Variants in MCF2L observed in about 807,000 individuals in gnomAD.
MCF2L encodes guanine nucleotide exchange factor DBS.
MCF2L carries 97 observed loss-of-function variants against 153.4 expected under a neutral mutation model. That is an observed-to-expected ratio of 0.63 (90% CI 0.54 to 0.75). The LOEUF (loss-of-function observed/expected upper bound fraction) is 0.75, where lower values mean the gene tolerates loss of function less well. Ranked by LOEUF, MCF2L falls within the 30% of genes least tolerant of loss-of-function variation. The probability of loss-of-function intolerance (pLI) is 0.00; values close to 1 mark genes in which losing one functional copy is unlikely to be tolerated. For synonymous variants in MCF2L, 659 were observed against 632.2 expected (o/e 1.04, Z -0.64); for missense variants, 1,347 against 1,495.2 (o/e 0.90, Z 1.64).
At chr13:112,990,652 T>C (rs1361219763) in intron 1 of MCF2L, among the ~76,000 whole-genome samples, 1 of 152,214 alleles carries the variant, frequency 6.6e-6, no homozygotes. Flanking sequence ...ACCAAACTGC[T>C]TTCTGTGTGG....
At chr13:113,057,032 G>C (rs2030058137) in intron 4 of MCF2L, among the ~76,000 whole-genome samples, 2 of 145,112 alleles carry the variant, frequency 1.4e-5, no homozygotes, top group African/African-American at 5.2e-5. Flanking sequence ...AGTGGGCACT[G>C]AGTGGGCGCT....
At chr13:113,021,749 C>T (rs1274613609) in intron 2 of MCF2L, among the ~76,000 whole-genome samples, 1 of 152,208 alleles carries the variant, frequency 6.6e-6, no homozygotes, top group South Asian at 2.1e-4. Context: ...TGCCTCATAA[C>T]CTGCAGGTAC....
At position 113,089,686 on chromosome 13, in the gene MCF2L, G is replaced by C. The variant is rs72663547; in HGVS notation, c.2911G>C (p.Val971Leu). The C allele has an allele frequency of 1.7e-5, 27 of 1,613,806 alleles. No individual in the cohort carries two copies. Among genetic ancestry groups the C allele is most frequent in the Non-Finnish European group, 2.3e-5 (27 of 1,180,024 alleles). ...AGACCCCCTAAGCCTGGAGGGATAC[G>C]TCAGCTCAGCGCCACTGACAAAGCC... is the stretch of plus-strand genomic sequence containing the variant. ...KTDPLSLEGY[V>L]SSAPLTKPPE... The change falls in exon 26 of 30, where the codon GTC (valine) becomes CTC (leucine). Residue 971 changes from valine to leucine, a missense_variant. Physicochemically the swap from Val to Leu is conservative, Grantham distance 32. Around this residue, in one of 3 missense-constraint regions of MCF2L, gnomAD observed 383 missense variants for 335.4 expected, o/e 1.14. Coordinates refer to ENST00000535094, the MANE Select transcript of MCF2L (RefSeq NM_001112732.3).
chr13:112,899,318 CG>C (rs1339626577), intron 1 of MCF2L, among the ~76,000 whole-genome samples: 1 of 152,210 alleles, frequency 6.6e-6, no homozygotes, highest in African/African-American at 2.4e-5. Flanking sequence ...TCACTGCTGA[CG>C]GCTTCTCAAG....
Position 112,983,495 on chromosome 13 carries a change from G to A in MCF2L, c.79+14037G>A, listed in dbSNP as rs1374851170. On this transcript the variant is annotated intron_variant, in intron 1 of 29. Coordinates refer to ENST00000535094, the MANE Select transcript of MCF2L (RefSeq NM_001112732.3). The surrounding 1 kb of genome is among the most constrained non-coding windows in gnomAD (Gnocchi z 4.0). ...GGCTTAAGTCAAGCTCTGTAAATGCGGCACCCGACGTCTGAGGCCCGCCAC... is the reference window on the plus strand; with the variant it reads ...GGCTTAAGTCAAGCTCTGTAAATGCAGCACCCGACGTCTGAGGCCCGCCAC... Among the ~76,000 whole-genome samples the A allele has an allele frequency of 3.9e-5, 6 of 152,190 alleles. No homozygotes were observed. Among genetic ancestry groups the A allele is most frequent in the African/African-American group, 7.2e-5 (3 of 41,442 alleles).
At chr13:112,990,020 C>A (rs1171585831) in intron 1 of MCF2L, among the ~76,000 whole-genome samples, 1 of 152,232 alleles carries the variant, frequency 6.6e-6, no homozygotes, top group African/African-American at 2.4e-5. Context: ...CACTGCTGAT[C>A]TGACAGGAGG....
chr13:113,001,877 CCGGGTCGGGGGCTCCTGACT>C, intron 1 of MCF2L: 2 of 1,567,076 alleles, frequency 1.3e-6, no homozygotes, highest in Non-Finnish European at 1.7e-6. Flanking sequence ...GTTCCGGGAG[CCGGGTCGGGGGCTCCTGACT>C]CGCACTGGGC....
intron 1 of MCF2L, among the ~76,000 whole-genome samples, chr13:112,978,443 C>T (rs1034447460): frequency 4.6e-5 from 7 of 152,332 alleles, no homozygotes; most frequent in South Asian, 2.1e-4. Context: ...ACACCTGTAG[C>T]TCTCAGAGGA....
intron 2 of MCF2L, among the ~76,000 whole-genome samples, chr13:113,015,192 T>A (rs1417897172): frequency 6.6e-6 from 1 of 152,210 alleles, no homozygotes; most frequent in African/African-American, 2.4e-5. Flanking sequence ...TCCTGCTGCA[T>A]CTGGGCACCT....
chr13:112,896,521 G>T (rs1032172680), intron 1 of MCF2L, among the ~76,000 whole-genome samples: 1 of 152,176 alleles, frequency 6.6e-6, no homozygotes, highest in Admixed American at 6.5e-5. Context: ...GCCTGGGATT[G>T]GCAGAGGGCA....
At chr13:113,096,316 G>A (rs1438784767) in intron 27 of MCF2L, 55 bp from the exon 28 acceptor site, 1 of 1,365,734 alleles carries the variant, frequency 7.3e-7, no homozygotes, top group Admixed American at 2.0e-5. Context: ...CTGCTGTGGG[G>A]CTGCTGCCGG....
intron 15 of MCF2L, 32 bp downstream of exon 15, chr13:113,078,771 G>A (rs569949778): frequency 1.9e-6 from 3 of 1,566,600 alleles, no homozygotes; most frequent in Non-Finnish European, 2.6e-6. Flanking sequence ...CCTCACAGGG[G>A]CCCTCCGACC....
chr13:113,012,988 G>A (rs1157520190), intron 1 of MCF2L, among the ~76,000 whole-genome samples: 1 of 151,890 alleles, frequency 6.6e-6, no homozygotes, highest in Non-Finnish European at 1.5e-5. Flanking sequence ...TGTGGACGGT[G>A]GACACTGTGA....
rs1225146980 is a variant in MCF2L, at chr13:113,099,141, C to G, written c.*2282C>G. On this transcript the variant is annotated 3_prime_UTR_variant, in exon 30 of 30. Transcript: ENST00000535094. ...AGTATCGATGACCTGAAATGGGATT[C>G]AGGACAGTTCATAGAGTAAAGGGGG... is the stretch of plus-strand genomic sequence containing the variant. 6.6e-6 allele frequency: 1 copy of G among 152,114 alleles called. No homozygotes were observed. The highest frequency in any genetic ancestry group is 6.5e-5 in the Admixed American group (1 of 15,272). The allele number at this position is 152,114 out of a possible 1,614,324, so 9.4% of individuals were successfully genotyped here.
In MCF2L at chr13:113,053,076, T is replaced by G. The variant is rs2087474562; in HGVS notation, c.370-7517T>G. ...TTGCTGGTGAGAGCCGGCTCTGCCA[T>G]CGTGTCAGTTCATCCCGGATTGCTG... On this transcript the variant is annotated intron_variant, in intron 4 of 29. Coordinates refer to ENST00000535094, the MANE Select transcript of MCF2L (RefSeq NM_001112732.3). This position sits in a 1 kb window ranked among gnomAD's most constrained non-coding sequence, Gnocchi z 4.4. 6.6e-6 allele frequency among the ~76,000 whole-genome samples: 1 copy of G among 152,108 alleles called. No individual in the cohort carries two copies. The highest frequency in any genetic ancestry group is 6.5e-5 in the Admixed American group (1 of 15,268).
chr13:113,081,126 C>A, intron 15 of MCF2L, 87 bp from the exon 16 acceptor site: 1 of 1,139,260 alleles, frequency 8.8e-7, no homozygotes, highest in South Asian at 1.5e-5. Flanking sequence ...GGCCATCATT[C>A]TAGGTGGCAC....
At chr13:113,016,729 T>C (rs2084543431) in intron 2 of MCF2L, among the ~76,000 whole-genome samples, 1 of 152,134 alleles carries the variant, frequency 6.6e-6, no homozygotes, top group Admixed American at 6.5e-5. Flanking sequence ...GCCCTCTCCA[T>C]GCAGCGAATT....
intron 9 of MCF2L, among the ~76,000 whole-genome samples, chr13:113,072,250 T>G (rs2032990731): frequency 6.6e-6 from 1 of 152,212 alleles, no homozygotes; most frequent in South Asian, 2.1e-4. Flanking sequence ...CTTGACATTT[T>G]CCATATAGAC....
In MCF2L at chr13:112,995,879, G is replaced by A. The variant is rs2083108522; in HGVS notation, c.80-18884G>A. 2.6e-5 allele frequency among the ~76,000 whole-genome samples: 4 copies of A among 152,216 alleles called. No individual in the cohort carries two copies. In the South Asian group the frequency reaches 6.2e-4, roughly 24 times the overall value. On this transcript the variant is annotated intron_variant, in intron 1 of 29. Coordinates refer to ENST00000535094, the MANE Select transcript of MCF2L (RefSeq NM_001112732.3). ...AGTCCTGGGCGCACCCACAGGAACTGACATCCGCATGCCAAGCAGCACCTG... is the reference window on the plus strand; with the variant it reads ...AGTCCTGGGCGCACCCACAGGAACTAACATCCGCATGCCAAGCAGCACCTG...
Sources: gnomAD v4.1 joint callset for allele counts (sites outside exome capture counted in the v4.1 genomes callset) on GRCh38, gnomAD v4.1.1 for gene constraint, gnomAD v4.1.1 regional missense constraint, Gnocchi (gnomAD v3.1) non-coding constraint, MANE v1.5 for transcripts, NCBI Gene and HGNC (gene_info 2026-07-23, HGNC 2026-07-21) for gene names.